The following PCCA variants were observed in gnomAD, a reference collection of about 807,000 sequenced individuals.
PCCA encodes propionyl-CoA carboxylase subunit alpha, also known as propionyl-CoA carboxylase alpha chain, mitochondrial.
In PCCA, 74 loss-of-function variants were observed where a neutral mutation model predicts 101.3. The observed-to-expected ratio is 0.73, with a 90% confidence interval of 0.61 to 0.89. PCCA has a LOEUF of 0.89. PCCA is among the 40% of genes least tolerant of loss of function. PCCA has a pLI of 0.00. For synonymous variants in PCCA, 294 were observed against 313.6 expected, an observed-to-expected ratio of 0.94 and a Z score of 0.66; for missense variants, 891 against 907.0, an observed-to-expected ratio of 0.98 and a Z score of 0.23.
intron 21 of PCCA, among the ~76,000 whole-genome samples, chr13:100,501,171 C>G (rs543472957): frequency 6.6e-6 from 1 of 152,230 alleles, no homozygotes; most frequent in East Asian, 1.9e-4. Context: ...ATGTGTCACT[C>G]AGAGATTTTT....
intron 19 of PCCA, among the ~76,000 whole-genome samples, chr13:100,414,309 T>C (rs942313473): frequency 6.6e-6 from 1 of 152,218 alleles, no homozygotes; most frequent in Non-Finnish European, 1.5e-5. Flanking sequence ...TGCCTCCTTT[T>C]GTTTGTATAA....
At chr13:100,485,443 C>T (rs1402950447) in intron 21 of PCCA, among the ~76,000 whole-genome samples, 1 of 152,208 alleles carries the variant, frequency 6.6e-6, no homozygotes. Flanking sequence ...CAGCTACTTA[C>T]AAACCAGTCA....
chr13:100,091,654 G>A (rs2046291631), intron 1 of PCCA, among the ~76,000 whole-genome samples: 1 of 152,086 alleles, frequency 6.6e-6, no homozygotes, highest in African/African-American at 2.4e-5. Flanking sequence ...CTTTTGGTTG[G>A]TTGAAAAGCA....
intron 14 of PCCA, among the ~76,000 whole-genome samples, chr13:100,306,936 G>C (rs2066498335): frequency 6.6e-6 from 1 of 152,214 alleles, no homozygotes; most frequent in Admixed American, 6.5e-5. Context: ...CTGGCATAGT[G>C]ATGTAGGAAG....
intron 12 of PCCA, among the ~76,000 whole-genome samples, chr13:100,282,104 A>G (rs1416786661): frequency 6.6e-6 from 1 of 152,194 alleles, no homozygotes; most frequent in Non-Finnish European, 1.5e-5. Context: ...TGAATTGACT[A>G]TTAGATCCTT....
chr13:100,342,148 TA>T (rs917789453), intron 18 of PCCA, among the ~76,000 whole-genome samples: 1 of 151,900 alleles, frequency 6.6e-6, no homozygotes, highest in Non-Finnish European at 1.5e-5. Flanking sequence ...TCAATGACTG[TA>T]AAAAATCTAT....
chr13:100,165,541 A>G (rs1387095271), intron 6 of PCCA, among the ~76,000 whole-genome samples: 1 of 152,222 alleles, frequency 6.6e-6, no homozygotes, highest in Non-Finnish European at 1.5e-5. Flanking sequence ...TAAGAAATAC[A>G]GAAAAGTTTG....
At chr13:100,169,396 G>T (rs893236311) in intron 6 of PCCA, among the ~76,000 whole-genome samples, 1 of 147,688 alleles carries the variant, frequency 6.8e-6, no homozygotes, top group Non-Finnish European at 1.5e-5. Flanking sequence ...AGCTGAGATC[G>T]TGCCACTACA....
At chr13:100,339,571 T>C (rs1350159965) in intron 17 of PCCA, among the ~76,000 whole-genome samples, 1 of 152,218 alleles carries the variant, frequency 6.6e-6, no homozygotes, top group Admixed American at 6.5e-5. Context: ...GCCAGCCGAC[T>C]ATCCCAGGTC....
chr13:100,421,131 C>T (rs1048594845), intron 19 of PCCA, among the ~76,000 whole-genome samples: 25 of 151,750 alleles, frequency 1.6e-4, no homozygotes, highest in Admixed American at 1.3e-3. Context: ...CGCTTGAACC[C>T]GGGAGGTGGA....
chr13:100,403,997 T>G (rs2077523429), intron 19 of PCCA, among the ~76,000 whole-genome samples: 1 of 152,200 alleles, frequency 6.6e-6, no homozygotes, highest in Non-Finnish European at 1.5e-5. Flanking sequence ...AGACCGATCT[T>G]AACTGCTTCC....
At chr13:100,156,533 C>T (rs1408873491) in intron 5 of PCCA, among the ~76,000 whole-genome samples, 1 of 152,042 alleles carries the variant, frequency 6.6e-6, no homozygotes, top group African/African-American at 2.4e-5. Flanking sequence ...TCTGGGAGAG[C>T]CAAAAATTAC....
intron 18 of PCCA, among the ~76,000 whole-genome samples, chr13:100,341,785 CT>C (rs1262699500): frequency 6.6e-6 from 1 of 151,786 alleles, no homozygotes; most frequent in East Asian, 1.9e-4. Context: ...CTGAGTGTAG[CT>C]AAATATGACT....
At chr13:100,318,502 C>A (rs1454376805) in intron 16 of PCCA, among the ~76,000 whole-genome samples, 1 of 125,534 alleles carries the variant, frequency 8.0e-6, no homozygotes, top group Non-Finnish European at 1.6e-5. Context: ...CCATGACAGG[C>A]CCTGGTGTGT....
chr13:100,293,081 TAGAG>T, intron 12 of PCCA: 2 of 365,530 alleles, frequency 5.5e-6, no homozygotes, highest in South Asian at 4.6e-5. Flanking sequence ...AATTCCCAAA[TAGAG>T]AGGAATAAAA....
intron 6 of PCCA, among the ~76,000 whole-genome samples, chr13:100,159,111 T>G (rs1423218182): frequency 9.5e-5 from 6 of 63,438 alleles, no homozygotes; most frequent in Non-Finnish European, 1.9e-4. Flanking sequence ...TTTTTTTTTT[T>G]GAGACATAGC....
intron 18 of PCCA, among the ~76,000 whole-genome samples, chr13:100,349,555 G>A (rs1238675033): frequency 6.6e-6 from 1 of 152,208 alleles, no homozygotes; most frequent in African/African-American, 2.4e-5. Context: ...GAGCCACCAC[G>A]CCCGGCCACT....
chr13:100,326,251 G>A (rs2068664785), intron 16 of PCCA, among the ~76,000 whole-genome samples: 1 of 152,156 alleles, frequency 6.6e-6, no homozygotes, highest in African/African-American at 2.4e-5. Context: ...TTAAGGTACG[G>A]ATCTTAGAGG....
At chr13:100,498,359 A>C (rs2085429716) in intron 21 of PCCA, among the ~76,000 whole-genome samples, 1 of 152,002 alleles carries the variant, frequency 6.6e-6, no homozygotes. Flanking sequence ...ACTGGAGAAG[A>C]CATACCAAAA....
Sources: gnomAD v4.1 joint callset for allele counts (sites outside exome capture counted in the v4.1 genomes callset) on GRCh38, gnomAD v4.1.1 for gene constraint, MANE v1.5 for transcripts, NCBI Gene and HGNC (gene_info 2026-07-23, HGNC 2026-07-21) for gene names.